The following TTC17 variants were observed in gnomAD, a reference collection of about 807,000 sequenced individuals.
TTC17 encodes tetratricopeptide repeat protein 17.
Under a neutral mutation model 143.8 loss-of-function variants are expected in TTC17, and 58 were observed. The ratio of observed to expected loss-of-function variants is 0.40; its 90% CI spans 0.33 to 0.50. TTC17 has a LOEUF of 0.50. Ranked by LOEUF, TTC17 falls within the 20% of genes least tolerant of loss-of-function variation. TTC17 has a pLI of 0.49. For synonymous variants in TTC17, 501 were observed against 497.8 expected, an observed-to-expected ratio of 1.01 and a Z score of -0.09; for missense variants, 1,273 against 1,392.5, an observed-to-expected ratio of 0.91 and a Z score of 1.37.
rs1215023661 is a variant in TTC17, at chr11:43,407,192, T to C, written c.1816T>C (p.Phe606Leu). The C allele has an allele frequency of 6.3e-7, 1 of 1,599,140 alleles. No individual in the cohort carries two copies. Among genetic ancestry groups the C allele is most frequent in the Non-Finnish European group, 8.5e-7 (1 of 1,175,428 alleles). ...YTIPEEEIGS[F>L]LFHAINKPNA... is the part of the protein sequence containing the mutation. ...TATCCCAGAAGAAGAAATTGGGTCT[T>C]TCTTATTTCATGCTATTAATAAGGT... The change falls in exon 14 of 24, where the codon TTC becomes CTC. Residue 606 changes from phenylalanine (F) to leucine (L), a missense_variant. By Grantham distance (22) the Phe-to-Leu change is conservative. This residue lies in a region of TTC17 where 878 missense variants were observed against 899.8 expected (regional missense o/e 0.98). Transcript: ENST00000039989.
At chr11:43,379,416 A>C in intron 2 of TTC17, 94 bp downstream of exon 2, 1 of 1,150,284 alleles carries the variant, frequency 8.7e-7, no homozygotes, top group South Asian at 1.4e-5. Flanking sequence ...ATTATTTTTT[A>C]AGTCTGAGTC....
intron 1 of TTC17, among the ~76,000 whole-genome samples, chr11:43,374,495 G>C (rs964507795): frequency 1.3e-5 from 2 of 151,590 alleles, no homozygotes; most frequent in African/African-American, 4.8e-5. Flanking sequence ...TAGAATGGGA[G>C]AAACTATTCT....
chr11:43,399,620 G>A (rs909516135), intron 8 of TTC17, among the ~76,000 whole-genome samples: 1 of 152,162 alleles, frequency 6.6e-6, no homozygotes. Context: ...AGAGTACAAG[G>A]CTGCAGTGAG....
intron 16 of TTC17, among the ~76,000 whole-genome samples, chr11:43,440,827 C>T (rs1004154863): frequency 1.9e-4 from 29 of 152,160 alleles, no homozygotes; most frequent in African/African-American, 7.0e-4. Context: ...ACCTTTTCCT[C>T]AGTATCTTAT....
intron 1 of TTC17, among the ~76,000 whole-genome samples, chr11:43,367,314 C>T (rs766226417): frequency 6.6e-6 from 1 of 152,206 alleles, no homozygotes; most frequent in Non-Finnish European, 1.5e-5. Context: ...GGAAATCATC[C>T]TCGCTGTCTT....
chr11:43,376,047 T>C (rs1856754075), intron 1 of TTC17, among the ~76,000 whole-genome samples: 2 of 152,210 alleles, frequency 1.3e-5, no homozygotes, highest in African/African-American at 4.8e-5. Context: ...ATTGGATACA[T>C]GTACAGGTTG....
chr11:43,455,692 A>G (rs980677877), intron 21 of TTC17, among the ~76,000 whole-genome samples: 1 of 152,154 alleles, frequency 6.6e-6, no homozygotes, highest in Non-Finnish European at 1.5e-5. Flanking sequence ...AACAGCATCT[A>G]AATCAGAAAG....
In TTC17 at chr11:43,405,829, G is replaced by T. The variant is rs1316723078; in HGVS notation, c.1639G>T (p.Ala547Ser). The change falls in exon 13 of 24, where the codon GCC (alanine) becomes TCC (serine). Residue 547 changes from alanine to serine, a missense_variant. Physicochemically the swap from Ala to Ser is moderately conservative, Grantham distance 99. This residue lies in a region of TTC17 where 878 missense variants were observed against 899.8 expected (regional missense o/e 0.98). Coordinates refer to ENST00000039989, the MANE Select transcript of TTC17 (RefSeq NM_018259.6). ...SSDDYSTEEE[A>S]QTPDCSITDF... ...TGATGATTATTCTACAGAAGAAGAG[G>T]CCCAAACCCCTGACTGTTCCATAAC... The T allele has an allele frequency of 6.2e-7, 1 of 1,613,862 alleles. No individual in the cohort carries two copies. Among genetic ancestry groups the T allele is most frequent in the South Asian group, 1.1e-5 (1 of 91,082 alleles).
At chr11:43,364,436 A>G (rs1449052610) in intron 1 of TTC17, among the ~76,000 whole-genome samples, 2 of 152,194 alleles carry the variant, frequency 1.3e-5, no homozygotes, top group Non-Finnish European at 2.9e-5. Context: ...GAGAGCATCC[A>G]TATGGCACTG....
chr11:43,462,917 A>C (rs1488975888), intron 21 of TTC17, among the ~76,000 whole-genome samples: 1 of 99,918 alleles, frequency 1.0e-5, no homozygotes. Flanking sequence ...GCAGTGACAA[A>C]ATTCTTTTTT....
chr11:43,391,346 C>T lies in TTC17; in HGVS notation c.420-119C>T, dbSNP rs1170990327. ...ACTAGGAGATCAAGGCTGCAGTGAGCTGTGATCATGCCACTGCACTCCAGC... is the reference window on the plus strand; with the variant it reads ...ACTAGGAGATCAAGGCTGCAGTGAGTTGTGATCATGCCACTGCACTCCAGC... On this transcript the variant is annotated intron_variant, in intron 3 of 23. Transcript: ENST00000039989. 32 of 667,034 alleles carry T rather than the reference C, an allele frequency of 4.8e-5. No homozygotes were observed. In the East Asian group the frequency reaches 9.2e-4, roughly 19 times the overall value. The allele number at this position is 667,034 out of a possible 1,614,324, so 41.3% of individuals were successfully genotyped here. A position where few individuals can be genotyped will look rare whatever the true frequency, so the allele number is the denominator to read the frequency against.
At chr11:43,403,951 TC>T in intron 10 of TTC17, 46 bp from the exon 11 acceptor site, 1 of 1,515,922 alleles carries the variant, frequency 6.6e-7, no homozygotes, top group African/African-American at 1.4e-5. Flanking sequence ...TAATCACAAC[TC>T]CTTTTCCACT....
At chr11:43,374,809 G>GT (rs1427982222) in intron 1 of TTC17, among the ~76,000 whole-genome samples, 2 of 150,202 alleles carry the variant, frequency 1.3e-5, no homozygotes, top group Admixed American at 1.3e-4. Context: ...CTTATACACA[G>GT]TTGATGGAAA....
At chr11:43,481,024 A>T (rs1045508813) in intron 21 of TTC17, among the ~76,000 whole-genome samples, 1 of 145,676 alleles carries the variant, frequency 6.9e-6, no homozygotes, top group Non-Finnish European at 1.5e-5. Context: ...AAAAAGTTGG[A>T]AAAGAAATAC....
At chr11:43,424,129 G>C (rs1266748097) in intron 16 of TTC17, among the ~76,000 whole-genome samples, 2 of 139,890 alleles carry the variant, frequency 1.4e-5, no homozygotes, top group African/African-American at 5.4e-5. Flanking sequence ...GCTCGCTCTT[G>C]TCGCCCAGGC....
At chr11:43,479,493 T>A in intron 21 of TTC17, among the ~76,000 whole-genome samples, 2 of 152,256 alleles carry the variant, frequency 1.3e-5, no homozygotes, top group Middle Eastern at 3.4e-3. Context: ...TGAAATATTA[T>A]AGAGACAAGG....
At chr11:43,364,683 C>A (rs1856259931) in intron 1 of TTC17, among the ~76,000 whole-genome samples, 1 of 152,152 alleles carries the variant, frequency 6.6e-6, no homozygotes, top group Non-Finnish European at 1.5e-5. Context: ...TATTTTTCTT[C>A]TTATAAATTA....
At chr11:43,434,591 AAAAT>A (rs1246406529) in intron 16 of TTC17, among the ~76,000 whole-genome samples, 3 of 152,222 alleles carry the variant, frequency 2.0e-5, no homozygotes, top group African/African-American at 7.2e-5. Flanking sequence ...AAGCATTCAA[AAAAT>A]ATTTCTTCCA....
At chr11:43,362,952 T>G (rs182395645) in intron 1 of TTC17, among the ~76,000 whole-genome samples, 56 of 152,346 alleles carry the variant, frequency 3.7e-4, no homozygotes, top group African/African-American at 1.1e-3. Flanking sequence ...AAACCCCGTC[T>G]TCTTCTCCTC....
Sources: allele counts gnomAD v4.1 joint callset (sites outside exome capture counted in the v4.1 genomes callset), GRCh38; gene constraint gnomAD v4.1.1; regional missense constraint gnomAD v4.1.1; transcripts MANE v1.5; gene names NCBI Gene and HGNC (gene_info 2026-07-23, HGNC 2026-07-21).